Variants in TASP1 observed in about 807,000 individuals in gnomAD.
TASP1 encodes threonine aspartase 1.
Under a neutral mutation model 56.6 loss-of-function variants are expected in TASP1, and 16 were observed. The observed-to-expected ratio is 0.28, with a 90% CI of 0.19 to 0.43. TASP1 has a LOEUF of 0.43. TASP1 is among the 20% of genes least tolerant of loss of function. TASP1 has a pLI of 1.00. For missense variants in TASP1, 393 were observed against 511.6 expected (o/e 0.77, Z 2.24); for synonymous variants, 179 against 184.2 (o/e 0.97, Z 0.23).
At chr20:13,234,161 G>C in the TASP1 span, among the ~76,000 whole-genome samples, 1 of 152,094 alleles carries the variant, frequency 6.6e-6, no homozygotes, top group Admixed American at 6.5e-5. Flanking sequence ...ATTACTCTTT[G>C]TATGTCCGTG....
At chr20:13,421,613 A>G (rs191145957) in intron 12 of TASP1, among the ~76,000 whole-genome samples, 1 of 152,280 alleles carries the variant, frequency 6.6e-6, no homozygotes, top group African/African-American at 2.4e-5. Flanking sequence ...CTCATACTAA[A>G]ATAAACGCAA....
the TASP1 span, among the ~76,000 whole-genome samples, chr20:13,142,755 T>G: frequency 5.6e-3 from 846 of 152,278 alleles, 2 homozygotes; most frequent in Middle Eastern, 0.014. Context: ...TGTGCCAGAA[T>G]CCAGTCTTTT....
chr20:13,620,186 C>G (rs2048657910), intron 4 of TASP1, among the ~76,000 whole-genome samples: 1 of 151,464 alleles, frequency 6.6e-6, no homozygotes, highest in Admixed American at 6.6e-5. Flanking sequence ...ACAAAATTAT[C>G]AGTCTCTAAG....
intron 8 of TASP1, among the ~76,000 whole-genome samples, chr20:13,551,695 T>C (rs536409419): frequency 6.6e-6 from 1 of 152,320 alleles, no homozygotes; most frequent in South Asian, 2.1e-4. Flanking sequence ...GTCAGTCCTG[T>C]AGCATAAGCC....
intron 9 of TASP1, among the ~76,000 whole-genome samples, chr20:13,531,654 G>A (rs971241990): frequency 6.6e-6 from 1 of 151,682 alleles, no homozygotes; most frequent in Admixed American, 6.6e-5. Context: ...ATCATGCTCA[G>A]ATAATTTTTG....
chr20:13,199,096 T>A, the TASP1 span, among the ~76,000 whole-genome samples: 4 of 150,214 alleles, frequency 2.7e-5, no homozygotes, highest in South Asian at 2.1e-4. Flanking sequence ...GGAGTTGGGG[T>A]CTTGCTCCAT....
downstream of TASP1, among the ~76,000 whole-genome samples, chr20:13,386,892 AG>A (rs1408551101): frequency 4.6e-5 from 7 of 152,288 alleles, no homozygotes; most frequent in East Asian, 1.4e-3. Context: ...TTTTAGGTTC[AG>A]GGGGTACGTG....
chr20:13,243,117 G>A, the TASP1 span, among the ~76,000 whole-genome samples: 9 of 149,838 alleles, frequency 6.0e-5, no homozygotes, highest in African/African-American at 2.2e-4. Context: ...CGTGGCTTGG[G>A]GAAGAAGTTC....
chr20:13,408,684 A>T (rs1207625561), intron 13 of TASP1, among the ~76,000 whole-genome samples: 1 of 152,180 alleles, frequency 6.6e-6, no homozygotes, highest in South Asian at 2.1e-4. Flanking sequence ...TTAAATATGT[A>T]AATGGTTATT....
the TASP1 span, among the ~76,000 whole-genome samples, chr20:13,147,726 C>T: frequency 6.6e-6 from 1 of 152,110 alleles, no homozygotes; most frequent in African/African-American, 2.4e-5. Flanking sequence ...AAGACAAGGA[C>T]CTCATTTTCC....
the TASP1 span, chr20:13,110,245 G>A: frequency 2.6e-5 from 41 of 1,587,144 alleles, no homozygotes; most frequent in South Asian, 6.8e-5. Flanking sequence ...CACATTTTAC[G>A]ACTCGGAGGC....
At chr20:13,319,175 A>C in the TASP1 span, among the ~76,000 whole-genome samples, 4 of 152,164 alleles carry the variant, frequency 2.6e-5, no homozygotes, top group African/African-American at 9.7e-5. Flanking sequence ...TGAAACTAAA[A>C]ATGCTCTGAA....
At chr20:13,567,853 G>A (rs2046587582) in intron 7 of TASP1, among the ~76,000 whole-genome samples, 1 of 152,166 alleles carries the variant, frequency 6.6e-6, no homozygotes, top group Non-Finnish European at 1.5e-5. Context: ...ACAAGGTGAA[G>A]CAAGGCACAG....
At chr20:13,140,158 T>C in the TASP1 span, among the ~76,000 whole-genome samples, 1 of 152,150 alleles carries the variant, frequency 6.6e-6, no homozygotes, top group Non-Finnish European at 1.5e-5. Context: ...ATTTTGGAAA[T>C]AGTAGCATAC....
intron 4 of TASP1, among the ~76,000 whole-genome samples, chr20:13,592,710 CT>C (rs1324922536): frequency 6.6e-6 from 1 of 151,950 alleles, no homozygotes; most frequent in African/African-American, 2.4e-5. Flanking sequence ...TTGATTTCTA[CT>C]TTTTTTCTTT....
intron 6 of TASP1, among the ~76,000 whole-genome samples, chr20:13,576,363 AAG>A (rs1397777378): frequency 8.1e-6 from 1 of 123,190 alleles, no homozygotes; most frequent in Non-Finnish European, 1.8e-5. Flanking sequence ...GAAAGAAAGA[AAG>A]AAAGAAAGAA....
the TASP1 span, among the ~76,000 whole-genome samples, chr20:13,319,622 A>T: frequency 1.3e-5 from 2 of 152,248 alleles, no homozygotes; most frequent in Non-Finnish European, 2.9e-5. Context: ...GTCAAAACAA[A>T]CAACAAAAAG....
chr20:13,622,871 G>T (rs2048763501), intron 4 of TASP1, among the ~76,000 whole-genome samples: 1 of 152,094 alleles, frequency 6.6e-6, no homozygotes, highest in African/African-American at 2.4e-5. Flanking sequence ...ATTCATCAAG[G>T]TTCCAAATCA....
the TASP1 span, among the ~76,000 whole-genome samples, chr20:13,176,138 A>AGAT: frequency 2.0e-5 from 3 of 152,198 alleles, no homozygotes; most frequent in Admixed American, 6.6e-5. Flanking sequence ...AGAAATAAGG[A>AGAT]GATAGGAAAT....
Sources: gnomAD v4.1 joint callset for allele counts (sites outside exome capture counted in the v4.1 genomes callset) on GRCh38, gnomAD v4.1.1 for gene constraint, MANE v1.5 for transcripts, NCBI Gene and HGNC (gene_info 2026-07-23, HGNC 2026-07-21) for gene names.